CIMIP5: variants seen among roughly 807,000 people sequenced by gnomAD.
The protein encoded by CIMIP5 is ciliary microtubule inner protein 5.
chr2:11,151,451 C>A, the CIMIP5 span, among the ~76,000 whole-genome samples: 1 of 152,178 alleles, frequency 6.6e-6, no homozygotes, highest in African/African-American at 2.4e-5. Flanking sequence ...CATGTTCCCA[C>A]GTGAAGGTGT....
chr2:11,141,397 G>C, the CIMIP5 span, among the ~76,000 whole-genome samples: 2 of 151,666 alleles, frequency 1.3e-5, no homozygotes, highest in African/African-American at 4.8e-5. Flanking sequence ...CAAAGTGCTG[G>C]GATTACAGGC....
At chr2:11,134,876 G>T in the CIMIP5 span, among the ~76,000 whole-genome samples, 1 of 152,128 alleles carries the variant, frequency 6.6e-6, no homozygotes, top group Non-Finnish European at 1.5e-5. Flanking sequence ...GGTTTATTTG[G>T]CTCACAGTTC....
chr2:11,135,193 G>A, the CIMIP5 span, among the ~76,000 whole-genome samples: 2 of 152,144 alleles, frequency 1.3e-5, no homozygotes, highest in Non-Finnish European at 2.9e-5. Flanking sequence ...TATGAGATTT[G>A]GAGAGAACAA....
chr2:11,154,244 G>A, the CIMIP5 span, among the ~76,000 whole-genome samples: 1 of 152,174 alleles, frequency 6.6e-6, no homozygotes, highest in African/African-American at 2.4e-5. Context: ...GGTCAATAAC[G>A]ATCAGTATCG....
chr2:11,148,336 C>T, the CIMIP5 span, among the ~76,000 whole-genome samples: 3 of 152,070 alleles, frequency 2.0e-5, no homozygotes, highest in African/African-American at 4.8e-5. Context: ...AGGCTGTTCT[C>T]AAACTCCCGA....
chr2:11,145,386 C>G, the CIMIP5 span: 1 of 152,248 alleles, frequency 6.6e-6, no homozygotes, highest in Admixed American at 6.5e-5. Flanking sequence ...CCACCTTGGC[C>G]TCCCAAAGCA....
At chr2:11,154,125 C>A in the CIMIP5 span, among the ~76,000 whole-genome samples, 1 of 151,978 alleles carries the variant, frequency 6.6e-6, no homozygotes, top group Non-Finnish European at 1.5e-5. Context: ...CACAGGCACG[C>A]GCCACCACGC....
the CIMIP5 span, chr2:11,140,550 G>T: frequency 3.4e-5 from 54 of 1,569,218 alleles, no homozygotes; most frequent in South Asian, 5.4e-4. Context: ...TGACCCAATG[G>T]TAAGGTAAAA....
the CIMIP5 span, among the ~76,000 whole-genome samples, chr2:11,148,732 C>CTTTTTTTTTTTTTTTTT: frequency 2.0e-4 from 7 of 35,538 alleles, 1 homozygote; most frequent in East Asian, 2.6e-3. Flanking sequence ...AATGAAAACT[C>CTTTTTTTTTTTTTTTTT]TTTTTTTTTT....
chr2:11,140,622 C>T, the CIMIP5 span: 2 of 1,227,088 alleles, frequency 1.6e-6, no homozygotes, highest in Admixed American at 1.8e-5. Flanking sequence ...ATTCAACTAA[C>T]ATTTATTGAA....
the CIMIP5 span, among the ~76,000 whole-genome samples, chr2:11,147,333 G>T: frequency 6.6e-6 from 1 of 152,148 alleles, no homozygotes; most frequent in Non-Finnish European, 1.5e-5. Flanking sequence ...ATAAAATGGC[G>T]CGGGAGGGAA....
the CIMIP5 span, chr2:11,144,821 C>CTCTCTTT: frequency 6.8e-6 from 1 of 146,452 alleles, no homozygotes; most frequent in African/African-American, 2.5e-5. Context: ...CTCTCTCTCT[C>CTCTCTTT]TTTTTTTTTT....
At chr2:11,146,108 G>T in the CIMIP5 span, 12 of 152,214 alleles carry the variant, frequency 7.9e-5, no homozygotes, top group African/African-American at 2.7e-4. Context: ...GAAAAATGGG[G>T]CAGGGGCTGA....
chr2:11,133,366 G>C, the CIMIP5 span: 4 of 1,610,000 alleles, frequency 2.5e-6, no homozygotes, highest in East Asian at 8.9e-5. Flanking sequence ...GGGCTCCAGA[G>C]AACCACATCA....
At chr2:11,152,028 T>G in the CIMIP5 span, among the ~76,000 whole-genome samples, 1 of 151,896 alleles carries the variant, frequency 6.6e-6, no homozygotes, top group Non-Finnish European at 1.5e-5. Flanking sequence ...CACACGGGGG[T>G]CGAAGTGAAG....
chr2:11,135,348 C>G, the CIMIP5 span, among the ~76,000 whole-genome samples: 1 of 152,220 alleles, frequency 6.6e-6, no homozygotes, highest in East Asian at 1.9e-4. Flanking sequence ...TTTCTCCACA[C>G]GCTGGCCAAC....
the CIMIP5 span, among the ~76,000 whole-genome samples, chr2:11,134,172 G>A: frequency 1.3e-5 from 2 of 152,160 alleles, no homozygotes; most frequent in Admixed American, 6.5e-5. Context: ...CTCTGAGGAG[G>A]AGACATTTAA....
the CIMIP5 span, chr2:11,145,062 C>T: frequency 6.6e-6 from 1 of 152,074 alleles, no homozygotes; most frequent in African/African-American, 2.4e-5. Flanking sequence ...TGGCTCACCG[C>T]AACCTCCGCC....
the CIMIP5 span, among the ~76,000 whole-genome samples, chr2:11,150,995 G>A: frequency 6.6e-6 from 1 of 152,148 alleles, no homozygotes; most frequent in African/African-American, 2.4e-5. Flanking sequence ...CTGCTCACCT[G>A]AGAGAAATGC....
Sources: gnomAD v4.1 joint callset for allele counts (sites outside exome capture counted in the v4.1 genomes callset) on GRCh38, gnomAD v4.1.1 for gene constraint, MANE v1.5 for transcripts, NCBI Gene and HGNC (gene_info 2026-07-23, HGNC 2026-07-21) for gene names.